ANKRD36C: variants seen among roughly 807,000 people sequenced by gnomAD.
The protein encoded by ANKRD36C is ankyrin repeat domain 36C.
A neutral mutation model predicts 276.4 loss-of-function variants in ANKRD36C; 61 were observed. The ratio of observed to expected loss-of-function variants is 0.22; its 90% confidence interval spans 0.18 to 0.27. The LOEUF (loss-of-function observed/expected upper bound fraction) is 0.27, where lower values mean the gene tolerates loss of function less well. Among genes scored for constraint, ANKRD36C ranks in the 10% least tolerant of loss-of-function variants. The probability of loss-of-function intolerance (pLI) is 1.00; values close to 1 mark genes in which losing one functional copy is unlikely to be tolerated. For synonymous variants in ANKRD36C, 483 were observed against 680.1 expected, an observed-to-expected ratio of 0.71 and a Z score of 4.51; for missense variants, 1,447 against 2,032.3, an observed-to-expected ratio of 0.71 and a Z score of 5.54.
chr2:95,942,198 G>C (rs1185321560), intron 19 of ANKRD36C, among the ~76,000 whole-genome samples: 1 of 152,308 alleles, frequency 6.6e-6, no homozygotes, highest in Non-Finnish European at 1.5e-5. Flanking sequence ...GTCAACATTT[G>C]TAAAATATAC....
At chr2:95,956,962 A>G (rs1351819970) in intron 12 of ANKRD36C, 146 bp from the exon 13 acceptor site, 16 of 697,898 alleles carry the variant, frequency 2.3e-5, no homozygotes, top group African/African-American at 7.2e-5. Flanking sequence ...AGCCCAGGCA[A>G]TTCAGACCAG....
At chr2:95,856,074 A>T (rs1558616392) in exon 63 of ANKRD36C, 2 of 1,597,594 alleles carry the variant, frequency 1.3e-6, no homozygotes, top group Non-Finnish European at 8.5e-7. Flanking sequence ...TTTCTTTTCC[A>T]GGTTTTGGTT....
intron 62 of ANKRD36C, among the ~76,000 whole-genome samples, chr2:95,856,747 A>G (rs1675421766): frequency 6.6e-6 from 1 of 152,200 alleles, no homozygotes; most frequent in Non-Finnish European, 1.5e-5. Context: ...GCACAAATCA[A>G]TGAACTCATT....
At chr2:95,867,859 T>G (rs1462336170) in intron 59 of ANKRD36C, among the ~76,000 whole-genome samples, 1 of 151,218 alleles carries the variant, frequency 6.6e-6, no homozygotes, top group African/African-American at 2.4e-5. Context: ...CTTCCTGAGC[T>G]TGAGTTATTT....
At chr2:95,926,839 C>T (rs1423192925) in intron 28 of ANKRD36C, among the ~76,000 whole-genome samples, 2 of 151,562 alleles carry the variant, frequency 1.3e-5, no homozygotes, top group African/African-American at 4.8e-5. Flanking sequence ...TGGGCTATTA[C>T]CATAATTTCT....
At chr2:95,936,591 T>C (rs1677723999) in intron 22 of ANKRD36C, among the ~76,000 whole-genome samples, 6 of 152,172 alleles carry the variant, frequency 3.9e-5, no homozygotes, top group African/African-American at 1.4e-4. Context: ...CGAGTGCGAA[T>C]ATACCAGGTC....
At chr2:95,956,535 G>C (rs1167785637) in intron 13 of ANKRD36C, among the ~76,000 whole-genome samples, 2 of 152,224 alleles carry the variant, frequency 1.3e-5, no homozygotes, top group African/African-American at 2.4e-5. Flanking sequence ...GTCAAATCAT[G>C]GGTTGGCTAC....
At chr2:95,896,693 A>C (rs62153686) in intron 44 of ANKRD36C, among the ~76,000 whole-genome samples, 36,800 of 119,016 alleles carry the variant, frequency 0.31, 6,941 homozygotes, top group East Asian at 0.57. Flanking sequence ...CAGCCAAAAT[A>C]AAATATTTGT....
intron 44 of ANKRD36C, 25 bp from the exon 65 acceptor site, chr2:95,891,885 T>A: frequency 6.4e-7 from 1 of 1,556,568 alleles, no homozygotes; most frequent in East Asian, 2.4e-5. Context: ...GGATTCATAA[T>A]CACTCATATG....
intron 3 of ANKRD36C, among the ~76,000 whole-genome samples, chr2:95,984,040 T>C (rs1447403272): frequency 6.6e-6 from 1 of 152,250 alleles, no homozygotes; most frequent in Admixed American, 6.5e-5. Flanking sequence ...AATGGGAAGA[T>C]GATTATTTAT....
intron 60 of ANKRD36C, among the ~76,000 whole-genome samples, chr2:95,863,350 C>T (rs1182517771): frequency 6.6e-6 from 1 of 152,090 alleles, no homozygotes; most frequent in Non-Finnish European, 1.5e-5. Flanking sequence ...TAGTTAAAAA[C>T]CTTCCTAAAA....
rs750507210 is a variant in ANKRD36C at position 95,897,366 on chromosome 2, A to T, written c.2755+1779T>A. 68 of 1,553,974 alleles carry T rather than the reference A, an allele frequency of 4.4e-5. 2 individuals carry two copies. The highest frequency in any genetic ancestry group is 5.7e-5 in the Non-Finnish European group (65 of 1,146,214). ...GCCTGAATGGAATTTGAAATGAAAT[A>T]ATAAATTAATAAAGTATGTTTCATA... On this transcript the variant is annotated intron_variant, in intron 44 of 66. Transcript: ENST00000456556.
intron 34 of ANKRD36C, 138 bp from the exon 35 acceptor site, chr2:95,920,058 G>A (rs1486633557): frequency 9.2e-7 from 1 of 1,082,328 alleles, no homozygotes; most frequent in African/African-American, 1.6e-5. Context: ...TTTGTGTCTT[G>A]GGACTGGAAC....
At chr2:95,852,475 A>G (rs1573715127) in intron 64 of ANKRD36C, 1 of 379,422 alleles carries the variant, frequency 2.6e-6, no homozygotes, top group Non-Finnish European at 4.8e-6. Context: ...ATGGCTCACA[A>G]AGCCTTAAAT....
intron 52 of ANKRD36C, 26 bp from the exon 73 acceptor site, chr2:95,884,394 C>T (rs1336361660): frequency 2.7e-5 from 43 of 1,610,506 alleles, no homozygotes; most frequent in Non-Finnish European, 3.5e-5. Flanking sequence ...GATACATAAT[C>T]ACCCACATGC....
At chr2:95,850,092 A>G (rs62155756), downstream of ANKRD36C, among the ~76,000 whole-genome samples, 1 of 137,384 alleles carries the variant, frequency 7.3e-6, no homozygotes, top group African/African-American at 2.7e-5. Flanking sequence ...CAGTGTTAAT[A>G]AGAATGAAAA....
chr2:95,889,770 C>T, intron 48 of ANKRD36C, 29 bp downstream of exon 68: 1 of 1,562,002 alleles, frequency 6.4e-7, no homozygotes, highest in Non-Finnish European at 8.7e-7. Flanking sequence ...CTTGAACGAA[C>T]ATCCTATTAA....
rs1208211854 is a variant in ANKRD36C at position 95,889,954 on chromosome 2, G to C, written c.2886+12C>G. The C allele has an allele frequency of 2.5e-6, 4 of 1,609,870 alleles. No individual in the cohort carries two copies. Among genetic ancestry groups the C allele is most frequent in the Admixed American group, 1.7e-5 (1 of 59,672 alleles). Reference sequence around the variant, plus strand: ...AGTTAATAGTTCAAAATATAAATGAGAGTTTAATTACCTTCAAGGCTGGTT... The same window carrying C: ...AGTTAATAGTTCAAAATATAAATGACAGTTTAATTACCTTCAAGGCTGGTT... On this transcript the variant is annotated intron_variant, in intron 47 of 66. Transcript: ENST00000456556.
chr2:95,885,823 C>T (rs921566673), intron 52 of ANKRD36C, among the ~76,000 whole-genome samples: 1 of 151,774 alleles, frequency 6.6e-6, no homozygotes, highest in African/African-American at 2.4e-5. Context: ...TCTCCTATGG[C>T]TCTTCTTCCC....
Sources: gnomAD v4.1 joint callset for allele counts (sites outside exome capture counted in the v4.1 genomes callset) on GRCh38, gnomAD v4.1.1 for gene constraint, MANE v1.5 for transcripts, NCBI Gene and HGNC (gene_info 2026-07-23, HGNC 2026-07-21) for gene names.